Variants in CNKSR2 observed in about 807,000 individuals in gnomAD.
CNKSR2 encodes connector enhancer of kinase suppressor of Ras 2.
Under a neutral mutation model 84.4 loss-of-function variants are expected in CNKSR2, and 14 were observed. That is an observed-to-expected ratio of 0.17 (90% CI 0.11 to 0.26). The LOEUF is 0.26. Among genes scored for constraint, CNKSR2 ranks in the 10% least tolerant of loss-of-function variants. CNKSR2 has a pLI of 1.00. For synonymous variants in CNKSR2, 275 were observed against 277.9 expected, an observed-to-expected ratio of 0.99 and a Z score of 0.10; for missense variants, 485 against 771.2, an observed-to-expected ratio of 0.63 and a Z score of 4.40.
chrX:21,557,658 T>C (rs2092151464), intron 11 of CNKSR2, among the ~76,000 whole-genome samples: 1 of 111,427 alleles, frequency 9.0e-6, no homozygotes, highest in Non-Finnish European at 1.9e-5. Context: ...TGCTTTATAC[T>C]TAAAGGAATA....
rs1186190482 is a variant in CNKSR2, at chrX:21,374,467, T to C, written c.-431T>C. Reference sequence around the variant, plus strand: ...GTGCTCGGGGCTTCACTCCCGCGCGTGAGGCGAGCGGGCAAGTTGGCTGAG... The same window carrying C: ...GTGCTCGGGGCTTCACTCCCGCGCGCGAGGCGAGCGGGCAAGTTGGCTGAG... On this transcript the variant is annotated 5_prime_UTR_variant, in exon 1 of 22. Coordinates refer to ENST00000379510, the MANE Select transcript of CNKSR2 (RefSeq NM_014927.5). 3.0e-6 allele frequency: 1 copy of C among 333,379 alleles called. No individual in the cohort carries two copies. Among genetic ancestry groups the C allele is most frequent in the East Asian group, 7.1e-5 (1 of 14,178 alleles). 27.5% of individuals were successfully genotyped at this position (333,379 alleles called of 1,213,427 possible).
intron 20 of CNKSR2, among the ~76,000 whole-genome samples, chrX:21,613,248 AT>A (rs1488087104): frequency 1.8e-5 from 2 of 112,467 alleles, no homozygotes; most frequent in Non-Finnish European, 3.8e-5. Context: ...TTAAAATACT[AT>A]TTTGGTTAAT....
At chrX:21,506,329 A>C (rs1370971865) in intron 8 of CNKSR2, 3 of 111,476 alleles carry the variant, frequency 2.7e-5, no homozygotes, top group African/African-American at 9.8e-5. Flanking sequence ...ATATACCAAA[A>C]ATTAAGGAAA....
At chrX:21,561,420 A>C in intron 11 of CNKSR2, 51 bp from the exon 12 acceptor site, 1 of 951,514 alleles carries the variant, frequency 1.1e-6, no homozygotes, top group Non-Finnish European at 1.5e-6. Flanking sequence ...AAGTTTGAGC[A>C]GACATGGGGA....
chrX:21,469,679 G>A (rs1487901828), intron 4 of CNKSR2, among the ~76,000 whole-genome samples: 3 of 110,831 alleles, frequency 2.7e-5, no homozygotes, highest in Non-Finnish European at 3.8e-5. Flanking sequence ...GATCTGCCGA[G>A]GCGGGCAGAT....
At chrX:21,396,554 A>G (rs1295028504) in intron 1 of CNKSR2, among the ~76,000 whole-genome samples, 2 of 111,472 alleles carry the variant, frequency 1.8e-5, no homozygotes, top group African/African-American at 3.3e-5. Flanking sequence ...TTGAAGCACA[A>G]ACTCAAATAC....
At chrX:21,420,015 A>C (rs1296949202) in intron 1 of CNKSR2, among the ~76,000 whole-genome samples, 1 of 112,242 alleles carries the variant, frequency 8.9e-6, no homozygotes, top group African/African-American at 3.2e-5. Flanking sequence ...GTGGGTCCAG[A>C]GGTGCTGTCT....
At chrX:21,559,350 C>T (rs1419742280) in intron 11 of CNKSR2, among the ~76,000 whole-genome samples, 1 of 109,392 alleles carries the variant, frequency 9.1e-6, no homozygotes, top group Admixed American at 9.7e-5. Context: ...TAGGGAGACT[C>T]CCTTTATGAG....
intron 20 of CNKSR2, among the ~76,000 whole-genome samples, chrX:21,632,207 C>G (rs1051759136): frequency 2.4e-4 from 27 of 111,505 alleles, no homozygotes; most frequent in African/African-American, 8.8e-4. Flanking sequence ...CAGGCTTTGT[C>G]CACGCTAAAT....
At chrX:21,385,018 G>A in intron 1 of CNKSR2, among the ~76,000 whole-genome samples, 1 of 111,728 alleles carries the variant, frequency 9.0e-6, no homozygotes, top group East Asian at 2.8e-4. Flanking sequence ...TTCTCCTACT[G>A]GATTGGATTT....
intron 9 of CNKSR2, among the ~76,000 whole-genome samples, chrX:21,517,834 C>T (rs759926326): frequency 1.8e-5 from 2 of 111,274 alleles, no homozygotes; most frequent in Non-Finnish European, 3.8e-5. Flanking sequence ...TTATTAAGCT[C>T]TATGTTAGTA....
intron 20 of CNKSR2, chrX:21,644,130 C>T (rs1020799425): frequency 2.7e-5 from 3 of 111,664 alleles, no homozygotes; most frequent in Non-Finnish European, 3.8e-5. Flanking sequence ...ATATCATTAG[C>T]CCGGAAGCCT....
At chrX:21,452,036 A>G (rs976610882) in intron 4 of CNKSR2, among the ~76,000 whole-genome samples, 9 of 111,441 alleles carry the variant, frequency 8.1e-5, no homozygotes, top group Admixed American at 7.6e-4. Flanking sequence ...CAAGACAGCT[A>G]TTAAAGTTAC....
At chrX:21,396,271 A>G (rs1433939154) in intron 1 of CNKSR2, among the ~76,000 whole-genome samples, 4 of 110,994 alleles carry the variant, frequency 3.6e-5, no homozygotes, top group African/African-American at 1.3e-4. Context: ...AGGAAAACAT[A>G]AATTAGAATA....
chrX:21,454,716 G>T (rs1047424929), intron 4 of CNKSR2, among the ~76,000 whole-genome samples: 1 of 112,215 alleles, frequency 8.9e-6, no homozygotes, highest in Non-Finnish European at 1.9e-5. Context: ...TAACAGAGTG[G>T]ATCTTCAGAT....
At chrX:21,444,375 A>G (rs1302132101) in intron 4 of CNKSR2, among the ~76,000 whole-genome samples, 1 of 111,371 alleles carries the variant, frequency 9.0e-6, no homozygotes, top group African/African-American at 3.3e-5. Flanking sequence ...TACTTTCACA[A>G]TTTATGGCAA....
chrX:21,594,018 C>G (rs1033828657), intron 15 of CNKSR2: 2 of 111,686 alleles, frequency 1.8e-5, no homozygotes, highest in Non-Finnish European at 3.8e-5. Context: ...AAGACACATG[C>G]ACGTGAATGT....
intron 8 of CNKSR2, chrX:21,505,526 TA>T (rs1361289800): frequency 9.0e-6 from 1 of 111,412 alleles, no homozygotes; most frequent in Non-Finnish European, 1.9e-5. Context: ...TGAGCAAGAC[TA>T]AGGATGGCAG....
Position 21,563,209 on chromosome X carries a change from T to C in CNKSR2, c.1394-29T>C, listed in dbSNP as rs1174887995. ...TAAATTTGGGGTATTTGTGTATTTA[T>C]ATTGGTGTATTTATCTCTTTTTATA... is the stretch of plus-strand genomic sequence containing the variant. On this transcript the variant is annotated intron_variant, in intron 12 of 21. Coordinates refer to ENST00000379510, the MANE Select transcript of CNKSR2 (RefSeq NM_014927.5). 5.6e-6 allele frequency: 6 copies of C among 1,069,408 alleles called. No homozygotes were observed. The Admixed American group carries it at 7.5e-5, about 13-fold the overall frequency. The allele number at this position is 1,069,408 out of a possible 1,213,427, so 88.1% of individuals were successfully genotyped here.
Sources: gnomAD v4.1 joint callset for allele counts (sites outside exome capture counted in the v4.1 genomes callset) on GRCh38, gnomAD v4.1.1 for gene constraint, MANE v1.5 for transcripts, NCBI Gene and HGNC (gene_info 2026-07-23, HGNC 2026-07-21) for gene names.